MYRFL: variants seen among roughly 807,000 people sequenced by gnomAD.
MYRFL encodes the protein myelin regulatory factor-like protein.
MYRFL carries 88 observed loss-of-function variants against 109.4 expected under a neutral mutation model. The observed-to-expected ratio is 0.80, with a 90% CI of 0.68 to 0.96. The LOEUF is 0.96. Among genes scored for constraint, MYRFL ranks in the 40% least tolerant of loss-of-function variants. The pLI is 0.00. For missense variants in MYRFL, 957 were observed against 954.9 expected, an observed-to-expected ratio of 1.00 and a Z score of -0.03; for synonymous variants, 324 against 320.9, an observed-to-expected ratio of 1.01 and a Z score of -0.10.
rs1290072365 is a variant in MYRFL, at chr12:69,895,501, C to A, written c.1091+20C>A. ...CCAGAGGTACTGATGTCACTGTGTGCATGGCAGTGTGGCTGGGTACTTTAT... is the reference window on the plus strand; with the variant it reads ...CCAGAGGTACTGATGTCACTGTGTGAATGGCAGTGTGGCTGGGTACTTTAT... On this transcript the variant is annotated intron_variant, in intron 9 of 24. Transcript: ENST00000552032. 10 of 1,525,346 alleles carry A rather than the reference C, an allele frequency of 6.6e-6. No homozygotes were observed. The Admixed American group carries it at 1.8e-4, about 27-fold the overall frequency. 94.5% of individuals were successfully genotyped at this position (1,525,346 alleles called of 1,614,324 possible).
At chr12:69,879,135 T>C (rs1021268995) in intron 3 of MYRFL, 40 bp downstream of exon 3, 1 of 671,680 alleles carries the variant, frequency 1.5e-6, no homozygotes, top group African/African-American at 1.8e-5. Context: ...GCACTGTTGC[T>C]CTTCCTCCTC....
intron 7 of MYRFL, among the ~76,000 whole-genome samples, chr12:69,893,561 C>T (rs973272044): frequency 1.3e-5 from 2 of 152,120 alleles, no homozygotes; most frequent in Non-Finnish European, 2.9e-5. Flanking sequence ...TGTTTAATTT[C>T]ACAGGTATTT....
chr12:69,912,808 G>A (rs959869796), intron 13 of MYRFL, among the ~76,000 whole-genome samples: 1 of 152,056 alleles, frequency 6.6e-6, no homozygotes, highest in African/African-American at 2.4e-5. Flanking sequence ...AATTTAGGGG[G>A]AATATTTACT....
chr12:69,953,993 A>T (rs532597828), intron 21 of MYRFL, among the ~76,000 whole-genome samples: 1 of 152,216 alleles, frequency 6.6e-6, no homozygotes, highest in East Asian at 1.9e-4. Flanking sequence ...GTGCTTTATG[A>T]TTTATGACCT....
intron 1 of MYRFL, among the ~76,000 whole-genome samples, chr12:69,840,221 A>G (rs1374320249): frequency 6.6e-6 from 1 of 152,204 alleles, no homozygotes; most frequent in African/African-American, 2.4e-5. Context: ...AGGCTGTCTG[A>G]ATGTATGTCC....
chr12:69,918,735 T>G (rs1954821136), intron 13 of MYRFL, among the ~76,000 whole-genome samples: 1 of 152,212 alleles, frequency 6.6e-6, no homozygotes, highest in Non-Finnish European at 1.5e-5. Flanking sequence ...CTTTCTTATG[T>G]TAGCTATTAG....
chr12:69,947,058 C>T (rs1955857605), intron 19 of MYRFL: 1 of 152,246 alleles, frequency 6.6e-6, no homozygotes, highest in Non-Finnish European at 1.5e-5. Context: ...TACTCTTCCC[C>T]TCTGTTCAAG....
intron 19 of MYRFL, among the ~76,000 whole-genome samples, chr12:69,948,278 A>G (rs1955887266): frequency 6.6e-6 from 1 of 152,178 alleles, no homozygotes; most frequent in Non-Finnish European, 1.5e-5. Flanking sequence ...TTGAAAAATC[A>G]TTTTTATAAT....
intron 1 of MYRFL, among the ~76,000 whole-genome samples, chr12:69,850,805 T>A (rs1220516183): frequency 6.6e-6 from 1 of 152,186 alleles, no homozygotes; most frequent in African/African-American, 2.4e-5. Context: ...TCACCTCAGT[T>A]TCTGTATTCT....
rs1882214717 is a variant in MYRFL, at chr12:69,825,444, A to C, written c.-74A>C. 2.9e-6 allele frequency: 2 copies of C among 695,086 alleles called. No individual in the cohort carries two copies. The highest frequency in any genetic ancestry group is 3.5e-5 in the African/African-American group (2 of 56,648). 43.1% of individuals were successfully genotyped at this position (695,086 alleles called of 1,614,324 possible). The stretch of plus-strand genomic sequence containing the variant: ...CAAGAGCATTCGTAGGCTTCGAATC[A>C]AAAGGACAGTACTTATTTCCTGAGG... On this transcript the variant is annotated 5_prime_UTR_variant, in exon 1 of 25. Coordinates refer to ENST00000552032, the MANE Select transcript of MYRFL (RefSeq NM_182530.3).
chr12:69,846,318 T>G (rs1056283223), intron 1 of MYRFL, among the ~76,000 whole-genome samples: 1 of 151,060 alleles, frequency 6.6e-6, no homozygotes, highest in African/African-American at 2.4e-5. Flanking sequence ...TAGGTATATC[T>G]CCTAAAGCTA....
intron 19 of MYRFL, among the ~76,000 whole-genome samples, chr12:69,943,952 A>G (rs1955750325): frequency 6.7e-6 from 1 of 149,554 alleles, no homozygotes; most frequent in Non-Finnish European, 1.5e-5. Flanking sequence ...ATCACTGGCC[A>G]TCAGAGAAAT....
At chr12:69,828,382 T>C (rs1004817228) in intron 1 of MYRFL, among the ~76,000 whole-genome samples, 1 of 152,152 alleles carries the variant, frequency 6.6e-6, no homozygotes, top group Non-Finnish European at 1.5e-5. Context: ...AGTGTATGTG[T>C]GTATCTGATG....
intron 19 of MYRFL, chr12:69,947,204 AC>A (rs1955860652): frequency 6.6e-6 from 1 of 152,282 alleles, no homozygotes; most frequent in African/African-American, 2.4e-5. Flanking sequence ...TTCAAGAGTA[AC>A]AAAAAAAACT....
chr12:69,897,911 C>T (rs10879041), intron 10 of MYRFL, among the ~76,000 whole-genome samples: 1 of 151,986 alleles, frequency 6.6e-6, no homozygotes, highest in Non-Finnish European at 1.5e-5. Flanking sequence ...AGCTGTGCAG[C>T]GGAGTCTTGG....
intron 2 of MYRFL, among the ~76,000 whole-genome samples, chr12:69,860,855 G>C (rs1225809488): frequency 7.1e-6 from 1 of 141,146 alleles, no homozygotes; most frequent in Admixed American, 7.1e-5. Flanking sequence ...TCATCATTTA[G>C]CATTAGGTAT....
At chr12:69,832,013 G>T (rs939420511) in intron 1 of MYRFL, among the ~76,000 whole-genome samples, 1 of 152,146 alleles carries the variant, frequency 6.6e-6, no homozygotes, top group Non-Finnish European at 1.5e-5. Context: ...GTTATGTCTT[G>T]TTCTTTGAGG....
chr12:69,909,121 A>T (rs376017361), intron 11 of MYRFL, among the ~76,000 whole-genome samples: 154 of 152,364 alleles, frequency 1.0e-3, no homozygotes, highest in African/African-American at 3.6e-3. Flanking sequence ...GTTAAAGGTG[A>T]TTGGTAAATG....
At chr12:69,929,070 G>A (rs1160451939) in intron 15 of MYRFL, among the ~76,000 whole-genome samples, 1 of 152,166 alleles carries the variant, frequency 6.6e-6, no homozygotes, top group Non-Finnish European at 1.5e-5. Flanking sequence ...GCACATAGTA[G>A]GCACTCAAGA....
Sources: allele counts gnomAD v4.1 joint callset (sites outside exome capture counted in the v4.1 genomes callset), GRCh38; gene constraint gnomAD v4.1.1; transcripts MANE v1.5; gene names NCBI Gene and HGNC (gene_info 2026-07-23, HGNC 2026-07-21).